The following RC3H1 variants were observed in gnomAD, a reference collection of about 807,000 sequenced individuals.
RC3H1 encodes the protein roquin-1.
In RC3H1, 50 loss-of-function variants were observed where a neutral mutation model predicts 138.2. The ratio of observed to expected loss-of-function variants is 0.36; its 90% CI spans 0.29 to 0.46. The LOEUF (loss-of-function observed/expected upper bound fraction) is 0.46, where lower values mean the gene tolerates loss of function less well. Among genes scored for constraint, RC3H1 ranks in the 20% least tolerant of loss-of-function variants. The pLI is 1.00. For missense variants in RC3H1, 1,031 were observed against 1,388.1 expected (o/e 0.74, Z 4.09); for synonymous variants, 462 against 489.1 (o/e 0.94, Z 0.73).
At chr1:174,001,486 G>A (rs1298428897) in intron 1 of RC3H1, among the ~76,000 whole-genome samples, 6 of 152,066 alleles carry the variant, frequency 3.9e-5, no homozygotes, top group Non-Finnish European at 1.5e-5. Context: ...TCATTCTGTT[G>A]CCCAGGCTGG....
At chr1:173,960,611 A>G (rs1659830679) in intron 13 of RC3H1, among the ~76,000 whole-genome samples, 3 of 152,196 alleles carry the variant, frequency 2.0e-5, no homozygotes, top group Admixed American at 2.0e-4. Context: ...TCCTAATCAA[A>G]ATTGAAGCAG....
chr1:173,951,329 C>CG (rs924169350), intron 14 of RC3H1, among the ~76,000 whole-genome samples: 5 of 151,476 alleles, frequency 3.3e-5, no homozygotes, highest in African/African-American at 9.7e-5. Context: ...CCATCCCCCC[C>CG]CCAAAAAAAG....
chr1:173,969,162 T>C (rs894914187), intron 9 of RC3H1, among the ~76,000 whole-genome samples: 2 of 152,042 alleles, frequency 1.3e-5, no homozygotes, highest in Non-Finnish European at 1.5e-5. Flanking sequence ...TGATTTTTAA[T>C]TGACATTCAA....
chr1:174,004,117 A>AT (rs1416954574), intron 1 of RC3H1, among the ~76,000 whole-genome samples: 2 of 148,660 alleles, frequency 1.3e-5, no homozygotes, highest in African/African-American at 4.9e-5. Context: ...TATTTTTATT[A>AT]TTTTTTGAGA....
chr1:173,951,328 C>T (rs974930756), intron 14 of RC3H1, among the ~76,000 whole-genome samples: 3 of 151,556 alleles, frequency 2.0e-5, no homozygotes, highest in East Asian at 1.9e-4. Context: ...TCCATCCCCC[C>T]CCCAAAAAAA....
At chr1:173,988,536 A>G (rs1661129169) in intron 2 of RC3H1, among the ~76,000 whole-genome samples, 1 of 152,270 alleles carries the variant, frequency 6.6e-6, no homozygotes, top group South Asian at 2.1e-4. Flanking sequence ...TAAAGCTGTT[A>G]TAAATAGTCA....
rs1400357724 is a variant in RC3H1 at position 173,936,757 on chromosome 1, ATATATTTTT to A, written c.*1955_*1963del. 82 of 29,256 alleles carry A rather than the reference ATATATTTTT, an allele frequency of 2.8e-3. 1 individual carries two copies. Among genetic ancestry groups the A allele is most frequent in the South Asian group, 0.014 (13 of 904 alleles). 1.8% of individuals were successfully genotyped at this position (29,256 alleles called of 1,614,324 possible). On this transcript the variant is annotated 3_prime_UTR_variant, in exon 20 of 20. Coordinates refer to ENST00000367696, the MANE Select transcript of RC3H1 (RefSeq NM_172071.4). ...TATATATATATATATATATATATAT[ATATATTTTT>A]TTTTTTTTTTTTAAAAAAAGAAGAC...
Position 173,938,716 on chromosome 1 carries a change from A to G in RC3H1, c.*5T>C, listed in dbSNP as rs200397521. 3,388 of 1,593,718 alleles carry G rather than the reference A, an allele frequency of 2.1e-3. 12 individuals carry two copies. Among genetic ancestry groups the G allele is most frequent in the South Asian group, 6.1e-3 (537 of 88,034 alleles). ...GCAGAAGATAAAAGTAGGACTCCTCATATTTTAAGGAGCAGAACTGGGAGT... is the reference window on the plus strand; with the variant it reads ...GCAGAAGATAAAAGTAGGACTCCTCGTATTTTAAGGAGCAGAACTGGGAGT... On this transcript the variant is annotated 3_prime_UTR_variant, in exon 20 of 20. Transcript: ENST00000367696.
rs751321969 is a variant in RC3H1, at chr1:173,962,082, A to T, written c.1845T>A (p.Thr615=). 17 of 1,613,168 alleles carry T rather than the reference A, an allele frequency of 1.1e-5. No individual in the cohort carries two copies. Among genetic ancestry groups the T allele is most frequent in the Non-Finnish European group, 1.4e-5 (17 of 1,179,684 alleles). ...PAPYQQGMYY[T]PPPQCVSRFV... is the part of the protein sequence containing the mutation. ...AGCGGGACACACATTGTGGTGGTGG[A>T]GTATAATACATACCTGCACAATACA... is the stretch of plus-strand genomic sequence containing the variant. Residue 615 remains threonine (T), a synonymous_variant, in exon 12 of 20, where the codon ACT becomes ACA. Coordinates refer to ENST00000367696, the MANE Select transcript of RC3H1 (RefSeq NM_172071.4).
At chr1:173,959,681 G>C (rs1659785987) in intron 13 of RC3H1, among the ~76,000 whole-genome samples, 1 of 152,156 alleles carries the variant, frequency 6.6e-6, no homozygotes, top group Non-Finnish European at 1.5e-5. Flanking sequence ...TGAGATAGGA[G>C]AATCACTTGA....
At chr1:173,953,201 C>T (rs1659492677) in intron 13 of RC3H1, among the ~76,000 whole-genome samples, 1 of 151,984 alleles carries the variant, frequency 6.6e-6, no homozygotes, top group Non-Finnish European at 1.5e-5. Context: ...AATTTTTATC[C>T]TTTTTTATTT....
At chr1:174,019,361 CAT>C (rs1661917553) in intron 1 of RC3H1, among the ~76,000 whole-genome samples, 1 of 152,152 alleles carries the variant, frequency 6.6e-6, no homozygotes. Flanking sequence ...AACTGTGACA[CAT>C]GTGGTAGTGG....
intron 2 of RC3H1, among the ~76,000 whole-genome samples, chr1:173,986,499 C>T (rs1661038108): frequency 6.6e-6 from 1 of 152,160 alleles, no homozygotes; most frequent in East Asian, 1.9e-4. Context: ...AGACTGGCCT[C>T]GAATTCCTGG....
Position 173,947,406 on chromosome 1 carries a change from T to C in RC3H1, c.2700A>G (p.Ala900=). The C allele has an allele frequency of 6.2e-7, 1 of 1,614,020 alleles. No individual in the cohort carries two copies. The highest frequency in any genetic ancestry group is 8.5e-7 in the Non-Finnish European group (1 of 1,179,934). ...TAGATTTTGTAGGAGCTCCCTGAGG[T>C]GCCATAGCCTGCATTGGACCAGCAC... ...YQGAGPMQAM[A]PQGAPTKSIN... The change falls in exon 15 of 20, where the codon GCA becomes GCG. Residue 900 remains alanine (A), a synonymous_variant. Transcript: ENST00000367696.
chr1:173,946,345 G>T, intron 17 of RC3H1, 131 bp downstream of exon 17: 1 of 676,338 alleles, frequency 1.5e-6, no homozygotes, highest in Non-Finnish European at 2.3e-6. Context: ...ATTCTTTGAA[G>T]AATAGAAACC....
Position 173,935,924 on chromosome 1 carries a change from G to A in RC3H1, c.*2797C>T, listed in dbSNP as rs1262134838. ...GAGTGTAGGACCATGGAGGGGTACA[G>A]CTTGAATTCAGGTTACAATTAAAGA... On this transcript the variant is annotated 3_prime_UTR_variant, in exon 20 of 20. Transcript: ENST00000367696. 3.3e-5 allele frequency: 5 copies of A among 152,158 alleles called. No individual in the cohort carries two copies. Among genetic ancestry groups the A allele is most frequent in the African/African-American group, 1.2e-4 (5 of 41,440 alleles). The allele number at this position is 152,158 out of a possible 1,614,324, so 9.4% of individuals were successfully genotyped here. A position where few individuals can be genotyped will look rare whatever the true frequency, so the allele number is the denominator to read the frequency against.
intron 7 of RC3H1, among the ~76,000 whole-genome samples, chr1:173,977,157 C>G (rs1466994128): frequency 6.6e-6 from 1 of 152,022 alleles, no homozygotes; most frequent in Admixed American, 6.6e-5. Flanking sequence ...ATCTCCTGAC[C>G]TCGTGATCCG....
chr1:173,967,246 G>A (rs75221896), intron 9 of RC3H1, among the ~76,000 whole-genome samples: 11,100 of 152,128 alleles, frequency 0.073, 600 homozygotes, highest in East Asian at 0.32. Context: ...ATTGGAGCCT[G>A]GAAGTCGAGG....
chr1:173,945,146 C>G (rs1217678675), intron 17 of RC3H1, among the ~76,000 whole-genome samples: 1 of 140,246 alleles, frequency 7.1e-6, no homozygotes, highest in African/African-American at 2.7e-5. Flanking sequence ...TTTTTTGAGA[C>G]AGAGTCTCAC....
Sources: gnomAD v4.1 joint callset for allele counts (sites outside exome capture counted in the v4.1 genomes callset) on GRCh38, gnomAD v4.1.1 for gene constraint, MANE v1.5 for transcripts, NCBI Gene and HGNC (gene_info 2026-07-23, HGNC 2026-07-21) for gene names.